TTC23: variants seen among roughly 807,000 people sequenced by gnomAD.
TTC23 encodes the protein tetratricopeptide repeat domain 23, also known as tetratricopeptide repeat protein 23.
Under a neutral mutation model 55.1 loss-of-function variants are expected in TTC23, and 58 were observed. That is an observed-to-expected ratio of 1.05 (90% confidence interval 0.85 to 1.31). The LOEUF (loss-of-function observed/expected upper bound fraction) is 1.31, where lower values mean the gene tolerates loss of function less well. TTC23 is among the 50% of genes most tolerant of loss of function. TTC23 has a pLI of 0.00. For missense variants in TTC23, 516 were observed against 534.4 expected (o/e 0.97, Z 0.34); for synonymous variants, 203 against 199.9 (o/e 1.02, Z -0.13).
At chr15:99,213,330 T>C (rs1287194708) in intron 8 of TTC23, among the ~76,000 whole-genome samples, 1 of 152,238 alleles carries the variant, frequency 6.6e-6, no homozygotes, top group Non-Finnish European at 1.5e-5. Context: ...TAGAATAGTC[T>C]GGAATATTAA....
intron 9 of TTC23, among the ~76,000 whole-genome samples, chr15:99,179,436 C>A (rs1227941562): frequency 2.0e-5 from 3 of 152,244 alleles, no homozygotes; most frequent in Non-Finnish European, 4.4e-5. Flanking sequence ...TGAAAATGCC[C>A]TCCACTGATG....
At chr15:99,185,445 T>G (rs868656208) in intron 9 of TTC23, among the ~76,000 whole-genome samples, 4 of 152,168 alleles carry the variant, frequency 2.6e-5, no homozygotes, top group Admixed American at 6.5e-5. Flanking sequence ...GCTCCAAAGC[T>G]GTCAGTAGAG....
chr15:99,216,774 T>C (rs1187090145), intron 8 of TTC23, among the ~76,000 whole-genome samples: 1 of 152,156 alleles, frequency 6.6e-6, no homozygotes, highest in African/African-American at 2.4e-5. Context: ...GGAATGCAAA[T>C]GCAGATGGGT....
chr15:99,189,993 A>G (rs1362943256), intron 9 of TTC23, among the ~76,000 whole-genome samples: 3 of 152,132 alleles, frequency 2.0e-5, no homozygotes, highest in African/African-American at 7.2e-5. Context: ...CCTGGGTAAC[A>G]TGGCAAAACC....
intron 8 of TTC23, among the ~76,000 whole-genome samples, chr15:99,215,086 C>T (rs2077368387): frequency 6.6e-6 from 1 of 150,928 alleles, no homozygotes; most frequent in African/African-American, 2.4e-5. Context: ...GAACTTCTGA[C>T]CTTGGGTGAT....
chr15:99,179,821 G>A (rs1387931191), intron 9 of TTC23, among the ~76,000 whole-genome samples: 2 of 152,202 alleles, frequency 1.3e-5, no homozygotes, highest in Non-Finnish European at 2.9e-5. Flanking sequence ...AGGGCTCAGG[G>A]TGACACAGAT....
intron 4 of TTC23, among the ~76,000 whole-genome samples, chr15:99,231,315 G>A (rs1042779356): frequency 2.0e-5 from 3 of 152,116 alleles, no homozygotes; most frequent in Non-Finnish European, 4.4e-5. Context: ...AAAGCCTCAG[G>A]CAGGTCCTTC....
At chr15:99,167,358 C>T (rs1293497496) in intron 10 of TTC23, among the ~76,000 whole-genome samples, 1 of 152,246 alleles carries the variant, frequency 6.6e-6, no homozygotes, top group Admixed American at 6.5e-5. Flanking sequence ...ATGCCGAAGG[C>T]CTGGGCAGAA....
At chr15:99,168,152 G>A (rs1029859783) in intron 10 of TTC23, among the ~76,000 whole-genome samples, 1 of 152,226 alleles carries the variant, frequency 6.6e-6, no homozygotes, top group Non-Finnish European at 1.5e-5. Flanking sequence ...AGGGGCCTGT[G>A]ACATGGCTTC....
intron 5 of TTC23, among the ~76,000 whole-genome samples, chr15:99,226,591 C>G (rs552339303): frequency 2.0e-5 from 3 of 152,310 alleles, no homozygotes; most frequent in South Asian, 4.1e-4. Flanking sequence ...CTGCAAGGCC[C>G]TAAGTGAACT....
At chr15:99,224,462 CTATGA>C (rs1460426770) in intron 5 of TTC23, among the ~76,000 whole-genome samples, 4 of 152,158 alleles carry the variant, frequency 2.6e-5, no homozygotes, top group African/African-American at 9.7e-5. Flanking sequence ...ATGTCATCTT[CTATGA>C]TATAAGTTTG....
chr15:99,156,112 A>G, intron 12 of TTC23, 36 bp downstream of exon 12: 1 of 1,612,440 alleles, frequency 6.2e-7, no homozygotes, highest in East Asian at 2.2e-5. Context: ...GGGGAGGGAG[A>G]GCCTAGTCTC....
chr15:99,217,814 C>T (rs998226648), intron 8 of TTC23, among the ~76,000 whole-genome samples: 3 of 152,206 alleles, frequency 2.0e-5, no homozygotes, highest in African/African-American at 7.2e-5. Context: ...TTTCCTAGCA[C>T]CTTTCTTAAA....
Position 99,161,870 on chromosome 15 carries a change from G to C in TTC23, c.866-3C>G, listed in dbSNP as rs1203166911. 2.5e-6 allele frequency: 4 copies of C among 1,589,732 alleles called. No homozygotes were observed. The highest frequency in any genetic ancestry group is 3.8e-5 in the Admixed American group (2 of 52,716). ...TTGAAAATACTGCTCAGCTACATCT[G>C]AAGAAAAGCATTTATCATAACTTTG... On this transcript the variant is annotated splice_region_variant and splice_polypyrimidine_tract_variant and intron_variant, in intron 10 of 13. Transcript: ENST00000394132.
rs142103294 is a variant in TTC23 at position 99,175,281 on chromosome 15, T to C, written c.760-126A>G. 8.1e-6 allele frequency: 6 copies of C among 737,554 alleles called. No individual in the cohort carries two copies. The African/African-American group carries it at 1.1e-4, about 13-fold the overall frequency. 45.7% of individuals were successfully genotyped at this position (737,554 alleles called of 1,614,324 possible). A position where few individuals can be genotyped will look rare whatever the true frequency, so the allele number is the denominator to read the frequency against. On this transcript the variant is annotated intron_variant, in intron 9 of 13. Transcript: ENST00000394132. ...CCAGCAAGCTAGAAGAAATGATTTA[T>C]GTGGAAGTGAAATCAACTCGCAGGA...
intron 8 of TTC23, among the ~76,000 whole-genome samples, chr15:99,203,082 C>T (rs1383777148): frequency 6.6e-6 from 1 of 152,132 alleles, no homozygotes; most frequent in East Asian, 1.9e-4. Flanking sequence ...ACCCCAACAC[C>T]AACCACATAA....
intron 9 of TTC23, among the ~76,000 whole-genome samples, chr15:99,183,312 ATTTC>A (rs1191358146): frequency 6.7e-6 from 1 of 150,152 alleles, no homozygotes; most frequent in African/African-American, 2.5e-5. Flanking sequence ...GGTGGAAGAA[ATTTC>A]TTTCTTTTCT....
intron 1 of TTC23, among the ~76,000 whole-genome samples, chr15:99,246,920 TCAAACAAA>T (rs777626353): frequency 4.6e-5 from 7 of 151,658 alleles, no homozygotes; most frequent in Non-Finnish European, 1.0e-4. Flanking sequence ...AGACCCAGTC[TCAAACAAA>T]CAAACAAACA....
At chr15:99,204,616 C>A (rs2076452492) in intron 8 of TTC23, among the ~76,000 whole-genome samples, 1 of 106,754 alleles carries the variant, frequency 9.4e-6, no homozygotes, top group East Asian at 2.6e-4. Context: ...TTCAGAGTTT[C>A]AGTCTTAGAT....
Sources: gnomAD v4.1 joint callset for allele counts (sites outside exome capture counted in the v4.1 genomes callset) on GRCh38, gnomAD v4.1.1 for gene constraint, MANE v1.5 for transcripts, NCBI Gene and HGNC (gene_info 2026-07-23, HGNC 2026-07-21) for gene names.